The following STX8 variants were observed in gnomAD, a reference collection of about 807,000 sequenced individuals.
The protein encoded by STX8 is syntaxin-8.
Under a neutral mutation model 37.5 loss-of-function variants are expected in STX8, and 23 were observed. That is an observed-to-expected ratio of 0.61 (90% CI 0.44 to 0.87). The LOEUF (loss-of-function observed/expected upper bound fraction) is 0.87. Among genes scored for constraint, STX8 ranks in the 40% least tolerant of loss-of-function variants. The probability of loss-of-function intolerance (pLI) is 0.00; values close to 1 mark genes in which losing one functional copy is unlikely to be tolerated. For synonymous variants in STX8, 115 were observed against 99.1 expected (o/e 1.16, Z -0.95); for missense variants, 313 against 284.7 (o/e 1.10, Z -0.71).
intron 4 of STX8, among the ~76,000 whole-genome samples, chr17:9,519,652 C>A (rs1225627896): frequency 2.0e-5 from 3 of 152,140 alleles, no homozygotes; most frequent in Non-Finnish European, 4.4e-5. Flanking sequence ...TCCCCAGAAG[C>A]TACAACATGG....
chr17:9,377,053 C>T (rs149436993), intron 7 of STX8, among the ~76,000 whole-genome samples: 1 of 152,154 alleles, frequency 6.6e-6, no homozygotes, highest in East Asian at 1.9e-4. Flanking sequence ...GGCTCCACTA[C>T]CTCTGAGCTT....
At chr17:9,544,815 A>AC (rs934123265) in intron 4 of STX8, among the ~76,000 whole-genome samples, 14 of 151,978 alleles carry the variant, frequency 9.2e-5, no homozygotes, top group African/African-American at 3.1e-4. Context: ...ATACGGTGAA[A>AC]CCCCATCTCT....
intron 6 of STX8, among the ~76,000 whole-genome samples, chr17:9,457,847 T>C (rs1168113086): frequency 6.6e-6 from 1 of 152,248 alleles, no homozygotes; most frequent in Non-Finnish European, 1.5e-5. Context: ...TCATGTTTAA[T>C]TGGCTGAAAC....
At chr17:9,504,923 A>C (rs1032731536) in intron 5 of STX8, 115 bp downstream of exon 5, 16 of 1,110,318 alleles carry the variant, frequency 1.4e-5, no homozygotes, top group Non-Finnish European at 1.8e-5. Flanking sequence ...GCAGTGAGCC[A>C]AGATCACGCC....
intron 7 of STX8, among the ~76,000 whole-genome samples, chr17:9,354,679 C>G (rs1344190266): frequency 2.0e-5 from 3 of 152,134 alleles, no homozygotes; most frequent in Non-Finnish European, 4.4e-5. Context: ...TTTTGTTTTC[C>G]TGGGATTAAT....
At chr17:9,353,936 T>C (rs1365802166) in intron 7 of STX8, among the ~76,000 whole-genome samples, 2 of 151,622 alleles carry the variant, frequency 1.3e-5, no homozygotes, top group African/African-American at 4.8e-5. Flanking sequence ...TAAAAAAAGG[T>C]TATAATAAAA....
At chr17:9,296,050 G>T (rs28843803) in intron 7 of STX8, among the ~76,000 whole-genome samples, 3 of 151,860 alleles carry the variant, frequency 2.0e-5, no homozygotes, top group African/African-American at 7.3e-5. Flanking sequence ...ATTAGCCGGG[G>T]GCGGTGGCGG....
chr17:9,272,723 C>T (rs1267023178), intron 7 of STX8, among the ~76,000 whole-genome samples: 1 of 152,212 alleles, frequency 6.6e-6, no homozygotes, highest in Non-Finnish European at 1.5e-5. Context: ...TCCTTACATT[C>T]TTGAAGTATA....
intron 4 of STX8, among the ~76,000 whole-genome samples, chr17:9,508,543 G>C (rs927872131): frequency 1.3e-5 from 2 of 152,164 alleles, no homozygotes; most frequent in Admixed American, 1.3e-4. Context: ...TAGCCAGGTT[G>C]GTATCGAACT....
chr17:9,381,634 T>C (rs1251380158), intron 6 of STX8, among the ~76,000 whole-genome samples: 2 of 152,142 alleles, frequency 1.3e-5, no homozygotes, highest in African/African-American at 2.4e-5. Flanking sequence ...CTCCCACCCC[T>C]AGGAGAATGC....
chr17:9,392,585 T>C (rs941548762), intron 6 of STX8, among the ~76,000 whole-genome samples: 2 of 152,188 alleles, frequency 1.3e-5, no homozygotes, highest in African/African-American at 4.8e-5. Flanking sequence ...TCAGCCTGGA[T>C]GACAGAGTGA....
At position 9,518,062 on chromosome 17, in the gene STX8, C is replaced by A. The variant is rs374723090; in HGVS notation, c.324-12900G>T. ...TCTAATAACTTATCCTCCTATTATC[C>A]CAGGATCTCATAATTTTAACTTTCT... is the stretch of plus-strand genomic sequence containing the variant. On this transcript the variant is annotated intron_variant, in intron 4 of 7. Coordinates refer to ENST00000306357, the MANE Select transcript of STX8 (RefSeq NM_004853.3). 7.9e-5 allele frequency among the ~76,000 whole-genome samples: 12 copies of A among 152,174 alleles called. 1 individual carries two copies. The South Asian group carries it at 2.5e-3, about 32-fold the overall frequency.
At position 9,545,182 on chromosome 17, in the gene STX8, C is replaced by T; in HGVS notation, c.313G>A (p.Asp105Asn). ...ASFKNEGAEP[D>N]LIRSSLMSEE... The stretch of plus-strand genomic sequence containing the variant: ...ATAAAAACATCCTACCTGATTAGAT[C>T]TGGTTCGGCACCCTCATTCTTAAAG... Residue 105 changes from aspartate to asparagine, a missense_variant, in exon 4 of 8, where the codon GAT becomes AAT. Coordinates refer to ENST00000306357, the MANE Select transcript of STX8 (RefSeq NM_004853.3). 1.2e-6 allele frequency: 2 copies of T among 1,613,090 alleles called. No individual in the cohort carries two copies. Among genetic ancestry groups the T allele is most frequent in the Non-Finnish European group, 1.7e-6 (2 of 1,179,170 alleles).
chr17:9,500,349 G>A (rs1441747288), intron 5 of STX8, among the ~76,000 whole-genome samples: 1 of 152,210 alleles, frequency 6.6e-6, no homozygotes, highest in Non-Finnish European at 1.5e-5. Flanking sequence ...AGTGATCCCT[G>A]AGAGACGGGA....
intron 4 of STX8, among the ~76,000 whole-genome samples, chr17:9,522,266 G>C (rs932216715): frequency 5.3e-5 from 8 of 152,144 alleles, no homozygotes; most frequent in Non-Finnish European, 1.2e-4. Flanking sequence ...TGGTGACTGA[G>C]AGCCATCTGC....
At chr17:9,575,321 T>C (rs1272400318) in intron 1 of STX8, among the ~76,000 whole-genome samples, 1 of 152,218 alleles carries the variant, frequency 6.6e-6, no homozygotes, top group Non-Finnish European at 1.5e-5. Flanking sequence ...ATCTAGGTCT[T>C]AGCCCCAGCT....
chr17:9,434,940 T>G (rs763318702), intron 6 of STX8, among the ~76,000 whole-genome samples: 1 of 152,226 alleles, frequency 6.6e-6, no homozygotes, highest in Non-Finnish European at 1.5e-5. Flanking sequence ...GCCATGGCAC[T>G]GCTGGGAGTG....
chr17:9,498,756 ATT>A (rs1904505447), intron 5 of STX8, among the ~76,000 whole-genome samples: 1 of 152,100 alleles, frequency 6.6e-6, no homozygotes, highest in Non-Finnish European at 1.5e-5. Flanking sequence ...TCTATAGAAA[ATT>A]CATAAGACTA....
intron 4 of STX8, among the ~76,000 whole-genome samples, chr17:9,525,774 CCTG>C (rs780531157): frequency 6.6e-6 from 1 of 152,226 alleles, no homozygotes; most frequent in Non-Finnish European, 1.5e-5. Flanking sequence ...CCCCACATGG[CCTG>C]CTATCTCTGT....
Sources: gnomAD v4.1 joint callset for allele counts (sites outside exome capture counted in the v4.1 genomes callset) on GRCh38, gnomAD v4.1.1 for gene constraint, MANE v1.5 for transcripts, NCBI Gene and HGNC (gene_info 2026-07-23, HGNC 2026-07-21) for gene names.